Variants in TAFA4 observed in about 807,000 individuals in gnomAD.
The protein encoded by TAFA4 is TAFA chemokine like family member 4, also known as chemokine-like protein TAFA-4.
TAFA4 carries 20 observed loss-of-function variants against 21.1 expected under a neutral mutation model. That is an observed-to-expected ratio of 0.95 (90% CI 0.67 to 1.38). The LOEUF is 1.38. Ranked by LOEUF, TAFA4 falls within the 40% of genes most tolerant of loss-of-function variation. The pLI, the probability that TAFA4 is intolerant of heterozygous loss-of-function variation, is 0.00. For missense variants in TAFA4, 211 were observed against 180.9 expected (o/e 1.17, Z -0.95); for synonymous variants, 71 against 67.4 (o/e 1.05, Z -0.26).
At chr3:68,891,984 G>A (rs980111630) in intron 1 of TAFA4, among the ~76,000 whole-genome samples, 4 of 152,268 alleles carry the variant, frequency 2.6e-5, no homozygotes, top group South Asian at 2.1e-4. Context: ...CCTGAAATAA[G>A]GCAGGTATTA....
At chr3:68,912,174 T>TGAG (rs2089966624) in intron 1 of TAFA4, among the ~76,000 whole-genome samples, 1 of 152,204 alleles carries the variant, frequency 6.6e-6, no homozygotes, top group African/African-American at 2.4e-5. Context: ...AAGGGGAATA[T>TGAG]GAGCCAGTTT....
At chr3:68,884,799 A>C (rs2089654043) in intron 2 of TAFA4, among the ~76,000 whole-genome samples, 1 of 152,234 alleles carries the variant, frequency 6.6e-6, no homozygotes, top group African/African-American at 2.4e-5. Flanking sequence ...ATTCTATGTA[A>C]CAAGTTGCTG....
intron 3 of TAFA4, among the ~76,000 whole-genome samples, chr3:68,845,087 C>T (rs766853370): frequency 2.7e-4 from 41 of 151,696 alleles, no homozygotes; most frequent in Non-Finnish European, 2.4e-4. Context: ...AATGTTGTCT[C>T]GTTAATCTAA....
At chr3:68,778,100 G>A (rs866631493) in intron 3 of TAFA4, among the ~76,000 whole-genome samples, 1 of 152,126 alleles carries the variant, frequency 6.6e-6, no homozygotes, top group Non-Finnish European at 1.5e-5. Flanking sequence ...GAAAGGCAGA[G>A]ATTTTGGAAT....
At chr3:68,748,827 G>C in intron 4 of TAFA4, among the ~76,000 whole-genome samples, 1 of 151,488 alleles carries the variant, frequency 6.6e-6, no homozygotes, top group South Asian at 2.1e-4. Flanking sequence ...TTCCATTTCT[G>C]AGCTTTTGTT....
At chr3:68,802,594 T>C (rs1703600880) in intron 3 of TAFA4, among the ~76,000 whole-genome samples, 1 of 152,188 alleles carries the variant, frequency 6.6e-6, no homozygotes, top group African/African-American at 2.4e-5. Flanking sequence ...CATTCTCTGA[T>C]AGTAGTTGAG....
intron 3 of TAFA4, among the ~76,000 whole-genome samples, chr3:68,762,818 C>G (rs934444820): frequency 1.3e-5 from 2 of 152,232 alleles, no homozygotes; most frequent in South Asian, 4.1e-4. Flanking sequence ...GCAGGCAGAT[C>G]ACTTGAGGCC....
intron 3 of TAFA4, among the ~76,000 whole-genome samples, chr3:68,873,378 C>CACACACACACACACACA (rs1296269026): frequency 2.8e-5 from 2 of 71,896 alleles, no homozygotes; most frequent in Admixed American, 1.8e-4. Context: ...ACACACACAC[C>CACACACACACACACACA]CTGGGCCAGA....
intron 3 of TAFA4, among the ~76,000 whole-genome samples, chr3:68,832,027 A>G (rs1005272134): frequency 2.6e-5 from 4 of 152,102 alleles, no homozygotes; most frequent in Admixed American, 6.5e-5. Context: ...TTTCACCTCC[A>G]TCAGGTCATT....
intron 3 of TAFA4, among the ~76,000 whole-genome samples, chr3:68,856,240 G>C (rs1162763660): frequency 6.6e-6 from 1 of 152,120 alleles, no homozygotes; most frequent in Non-Finnish European, 1.5e-5. Flanking sequence ...AACTAGGTAG[G>C]AGCATGGCGG....
At position 68,753,006 on chromosome 3, in the gene TAFA4, A is replaced by G. The variant is rs773660779; in HGVS notation, c.143T>C (p.Ile48Thr). The G allele has an allele frequency of 6.2e-7, 1 of 1,613,484 alleles. No homozygotes were observed. The highest frequency in any genetic ancestry group is 1.3e-5 in the African/African-American group (1 of 75,008). Residue 48 changes from isoleucine to threonine, a missense_variant, in exon 4 of 6, where the codon ATC (isoleucine) becomes ACC (threonine). Transcript: ENST00000295569. ...HLRGHAGHHQ[I>T]KQGTCEVVAV... ...GACCACCTCACAGGTCCCTTGCTTG[A>G]TTTGGTGGTGACCTAGTTGGTAATG...
chr3:68,875,788 A>C (rs1208451405), intron 3 of TAFA4, among the ~76,000 whole-genome samples: 1 of 152,166 alleles, frequency 6.6e-6, no homozygotes, highest in Non-Finnish European at 1.5e-5. Flanking sequence ...CTCCCTAAAA[A>C]TATGCTCTTG....
intron 3 of TAFA4, among the ~76,000 whole-genome samples, chr3:68,800,394 C>T (rs536531612): frequency 6.6e-6 from 1 of 152,186 alleles, no homozygotes; most frequent in African/African-American, 2.4e-5. Flanking sequence ...GAAATTAATA[C>T]AGAATAACGG....
intron 3 of TAFA4, among the ~76,000 whole-genome samples, chr3:68,810,429 A>G (rs894571036): frequency 6.6e-6 from 1 of 152,140 alleles, no homozygotes; most frequent in African/African-American, 2.4e-5. Context: ...CTAGTCAAAG[A>G]AAGGGGTGAC....
chr3:68,852,429 G>C (rs1704971823), intron 3 of TAFA4, among the ~76,000 whole-genome samples: 1 of 152,108 alleles, frequency 6.6e-6, no homozygotes, highest in Admixed American at 6.6e-5. Context: ...CCAGCAACTA[G>C]GTATAAAAGT....
chr3:68,893,885 G>T (rs1480263038), intron 1 of TAFA4, among the ~76,000 whole-genome samples: 1 of 151,938 alleles, frequency 6.6e-6, no homozygotes, highest in Non-Finnish European at 1.5e-5. Flanking sequence ...TTTTTAACTG[G>T]TTTATAATAT....
intron 1 of TAFA4, among the ~76,000 whole-genome samples, chr3:68,929,254 T>C (rs1300546438): frequency 6.6e-6 from 1 of 152,200 alleles, no homozygotes; most frequent in Non-Finnish European, 1.5e-5. Context: ...GGTTCTGACA[T>C]GGCTTTCAGA....
chr3:68,856,534 T>G (rs17048084), intron 3 of TAFA4, among the ~76,000 whole-genome samples: 68,040 of 151,828 alleles, frequency 0.45, 15,973 homozygotes, highest in African/African-American at 0.56. Context: ...CCATTAGGCA[T>G]CCTCTTGGGG....
At chr3:68,858,602 G>T (rs911602267) in intron 3 of TAFA4, among the ~76,000 whole-genome samples, 2 of 150,852 alleles carry the variant, frequency 1.3e-5, no homozygotes, top group Non-Finnish European at 2.9e-5. Flanking sequence ...GTGTGTGTGT[G>T]TGTGTGTGTC....
Sources: allele counts gnomAD v4.1 joint callset (sites outside exome capture counted in the v4.1 genomes callset), GRCh38; gene constraint gnomAD v4.1.1; transcripts MANE v1.5; gene names NCBI Gene and HGNC (gene_info 2026-07-23, HGNC 2026-07-21).